The following TENT2 variants were observed in gnomAD, a reference collection of about 807,000 sequenced individuals.
TENT2 encodes poly(A) RNA polymerase GLD2.
TENT2 carries 44 observed loss-of-function variants against 72.2 expected under a neutral mutation model. That is an observed-to-expected ratio of 0.61 (90% CI 0.48 to 0.78). The LOEUF is 0.78. Ranked by LOEUF, TENT2 falls within the 30% of genes least tolerant of loss-of-function variation. The pLI is 0.00. For missense variants in TENT2, 541 were observed against 569.6 expected (o/e 0.95, Z 0.51); for synonymous variants, 212 against 192.5 (o/e 1.10, Z -0.84).
chr5:79,655,623 A>G (rs1349794597), intron 10 of TENT2, among the ~76,000 whole-genome samples: 1 of 152,050 alleles, frequency 6.6e-6, no homozygotes, highest in East Asian at 1.9e-4. Context: ...TTAGAATTAA[A>G]GTGAGTGGGG....
intron 4 of TENT2, among the ~76,000 whole-genome samples, chr5:79,633,248 C>T (rs1057226766): frequency 6.6e-6 from 1 of 152,048 alleles, no homozygotes; most frequent in African/African-American, 2.4e-5. Flanking sequence ...AATGAGAGAG[C>T]CTGAGAAATT....
intron 4 of TENT2, among the ~76,000 whole-genome samples, chr5:79,627,046 C>G (rs1270784549): frequency 2.0e-5 from 3 of 151,384 alleles, no homozygotes; most frequent in Non-Finnish European, 2.9e-5. Context: ...AGGAGAATCA[C>G]TTGAACCCGG....
intron 1 of TENT2, chr5:79,615,032 A>C (rs989053328): frequency 1.3e-5 from 2 of 152,200 alleles, no homozygotes; most frequent in Non-Finnish European, 2.9e-5. Context: ...TTGAGGGCCA[A>C]AATTCATACT....
chr5:79,623,548 A>T (rs1766815115), intron 4 of TENT2, 59 bp downstream of exon 4: 2 of 1,201,136 alleles, frequency 1.7e-6, no homozygotes, highest in Non-Finnish European at 2.3e-6. Context: ...ATAATGTATT[A>T]ATCAAAAATA....
intron 4 of TENT2, among the ~76,000 whole-genome samples, chr5:79,626,443 G>T (rs539221052): frequency 2.0e-5 from 3 of 151,536 alleles, no homozygotes; most frequent in Non-Finnish European, 4.4e-5. Flanking sequence ...GAGTAGCTGG[G>T]ACTACAGGCG....
chr5:79,650,080 G>A (rs986115026), intron 10 of TENT2, among the ~76,000 whole-genome samples: 3 of 152,132 alleles, frequency 2.0e-5, no homozygotes, highest in Non-Finnish European at 4.4e-5. Context: ...TATGAATGTA[G>A]TAGAAGACCG....
At chr5:79,656,531 CTA>C (rs1390858034) in intron 10 of TENT2, among the ~76,000 whole-genome samples, 2 of 151,880 alleles carry the variant, frequency 1.3e-5, no homozygotes, top group African/African-American at 4.8e-5. Context: ...TATGAAAGAA[CTA>C]TTTTTATCTC....
intron 10 of TENT2, among the ~76,000 whole-genome samples, chr5:79,655,427 A>T (rs1037161091): frequency 1.3e-5 from 2 of 152,072 alleles, no homozygotes; most frequent in East Asian, 1.9e-4. Context: ...TTTTTATTCT[A>T]ATTCTCTATA....
Position 79,641,172 on chromosome 5 carries a change from A to G in TENT2, c.648A>G (p.Leu216=). Residue 216 remains leucine (L), a synonymous_variant, in exon 6 of 15, where the codon TTA becomes TTG. Coordinates refer to ENST00000453514, the MANE Select transcript of TENT2 (RefSeq NM_001114394.3). ...GFGTRSSDGD[L]CLVVKEEPCF... is the part of the protein sequence containing the mutation. ...GTACCCGGAGCAGTGATGGTGATTT[A>G]TGCCTAGTTGTTAAGGAAGAACCAG... 8.9e-6 allele frequency: 14 copies of G among 1,578,830 alleles called. No individual in the cohort carries two copies. The highest frequency in any genetic ancestry group is 1.2e-5 in the Non-Finnish European group (14 of 1,169,840).
chr5:79,614,100 T>A, intron 1 of TENT2: 1 of 137,830 alleles, frequency 7.3e-6, no homozygotes, highest in East Asian at 2.1e-4. Context: ...TCTTTTTTTT[T>A]TTTTTTTTTT....
Position 79,681,985 on chromosome 5 carries a change from C to G in TENT2, c.1304C>G (p.Pro435Arg). The part of the protein sequence containing the change: ...WRNKYICVEE[P>R]FDGTNTARAV... ...ACATTTGCATTTAACATTGCAGAAC[C>G]TTTTGATGGAACAAATACAGCCAGA... The change falls in exon 14 of 15, where the codon CCT (proline) becomes CGT (arginine). Residue 435 changes from proline (P) to arginine (R), a missense_variant. Coordinates refer to ENST00000453514, the MANE Select transcript of TENT2 (RefSeq NM_001114394.3). The G allele has an allele frequency of 6.2e-7, 1 of 1,611,510 alleles. No homozygotes were observed. The highest frequency in any genetic ancestry group is 8.5e-7 in the Non-Finnish European group (1 of 1,178,980).
At chr5:79,639,234 CTTTAA>C (rs560809687) in intron 4 of TENT2, among the ~76,000 whole-genome samples, 172 of 151,560 alleles carry the variant, frequency 1.1e-3, no homozygotes, top group Non-Finnish European at 2.1e-3. Flanking sequence ...TCTTAGTAAA[CTTTAA>C]TTTAACTGTA....
intron 11 of TENT2, among the ~76,000 whole-genome samples, chr5:79,659,190 A>ATT (rs1800170042): frequency 6.6e-6 from 1 of 151,916 alleles, no homozygotes; most frequent in Non-Finnish European, 1.5e-5. Flanking sequence ...AGCAGAACAC[A>ATT]TTTTTAATGG....
At chr5:79,638,250 A>G (rs1781762716) in intron 4 of TENT2, among the ~76,000 whole-genome samples, 1 of 151,586 alleles carries the variant, frequency 6.6e-6, no homozygotes, top group Non-Finnish European at 1.5e-5. Context: ...TGTCCTCTGC[A>G]TTGTAGGATG....
At chr5:79,619,821 A>G (rs1044413603) in intron 2 of TENT2, 36 bp downstream of exon 2, 2 of 1,588,774 alleles carry the variant, frequency 1.3e-6, no homozygotes, top group African/African-American at 2.7e-5. Context: ...TGTTGTTGGT[A>G]AATTTCATTT....
At chr5:79,629,599 G>A (rs903816506) in intron 4 of TENT2, among the ~76,000 whole-genome samples, 3 of 151,768 alleles carry the variant, frequency 2.0e-5, no homozygotes, top group African/African-American at 4.8e-5. Context: ...AGGCCGAGGC[G>A]GGTGGATCAC....
intron 12 of TENT2, among the ~76,000 whole-genome samples, chr5:79,678,350 G>A (rs531011541): frequency 6.6e-6 from 1 of 152,124 alleles, no homozygotes; most frequent in South Asian, 2.1e-4. Context: ...TAGAGGAGAA[G>A]TGTAGGGTAA....
chr5:79,645,571 T>C (rs1321148495), intron 8 of TENT2, among the ~76,000 whole-genome samples: 1 of 152,176 alleles, frequency 6.6e-6, no homozygotes. Flanking sequence ...AAACAAGTTG[T>C]GTTTCATTTT....
In TENT2 at chr5:79,655,566, A is replaced by G. The variant is rs138334662; in HGVS notation, c.1028-1392A>G. ...CAATTTGACTTCTGTATTATAACCA[A>G]AATTACTAGAAAGCTATTAAAAAGT... On this transcript the variant is annotated intron_variant, in intron 10 of 14. Transcript: ENST00000453514. 2.1e-3 allele frequency among the ~76,000 whole-genome samples: 324 copies of G among 152,214 alleles called. 2 individuals carry two copies. The highest frequency in any genetic ancestry group is 7.6e-3 in the African/African-American group (315 of 41,562).
Sources: allele counts gnomAD v4.1 joint callset (sites outside exome capture counted in the v4.1 genomes callset), GRCh38; gene constraint gnomAD v4.1.1; transcripts MANE v1.5; gene names NCBI Gene and HGNC (gene_info 2026-07-23, HGNC 2026-07-21).